PRDM2: variants seen among roughly 807,000 people sequenced by gnomAD.
The protein encoded by PRDM2 is PR domain zinc finger protein 2.
A neutral mutation model predicts 130.0 loss-of-function variants in PRDM2; 30 were observed. That is an observed-to-expected ratio of 0.23 (90% CI 0.17 to 0.31). PRDM2 has a LOEUF of 0.31. Ranked by LOEUF, PRDM2 falls within the 10% of genes least tolerant of loss-of-function variation. The probability of loss-of-function intolerance (pLI) is 1.00; values close to 1 mark genes in which losing one functional copy is unlikely to be tolerated. For missense variants in PRDM2, 2,011 were observed against 2,108.4 expected (o/e 0.95, Z 0.90); for synonymous variants, 871 against 782.4 (o/e 1.11, Z -1.89).
At chr1:13,823,091 A>G (rs752802911) in intron 9 of PRDM2, 68 bp from the exon 10 acceptor site, 10 of 1,453,644 alleles carry the variant, frequency 6.9e-6, no homozygotes, top group Non-Finnish European at 9.5e-6. Context: ...GCAATAACGC[A>G]TGGACCACCA....
intron 8 of PRDM2, among the ~76,000 whole-genome samples, chr1:13,788,488 A>G (rs981211229): frequency 3.3e-5 from 5 of 152,226 alleles, no homozygotes; most frequent in African/African-American, 1.2e-4. Flanking sequence ...GGGTTTTTTA[A>G]GATTAAAAAT....
chr1:13,798,986 T>C (rs1468521798), intron 8 of PRDM2, among the ~76,000 whole-genome samples: 1 of 152,202 alleles, frequency 6.6e-6, no homozygotes, highest in Admixed American at 6.5e-5. Context: ...GCCTTGGAGA[T>C]TTCTCCTTCA....
chr1:13,773,642 A>G (rs929118654), intron 7 of PRDM2: 2 of 152,318 alleles, frequency 1.3e-5, no homozygotes, highest in African/African-American at 4.8e-5. Context: ...GGTGCCCAGG[A>G]GTTAGAGGCT....
At chr1:13,755,802 G>A (rs1352284059) in intron 6 of PRDM2, among the ~76,000 whole-genome samples, 3 of 151,940 alleles carry the variant, frequency 2.0e-5, no homozygotes, top group South Asian at 2.1e-4. Context: ...AACTTTTAAA[G>A]TTTATTTATT....
Position 13,779,132 on chromosome 1 carries a change from C to T in PRDM2, c.1337C>T (p.Ser446Leu), listed in dbSNP as rs377508263. 21 of 1,614,152 alleles carry T rather than the reference C, an allele frequency of 1.3e-5. 1 individual carries two copies. In the East Asian group the frequency reaches 1.6e-4, roughly 12 times the overall value. Residue 446 changes from serine to leucine, a missense_variant, in exon 8 of 10, where the codon TCG (serine) becomes TTG (leucine). By Grantham distance (145) the Ser-to-Leu change is moderately radical (BLOSUM62 -2). This residue lies in a region of PRDM2 where 1,288 missense variants were observed against 1,237.7 expected (regional missense o/e 1.04). Coordinates refer to ENST00000311066, the MANE Select transcript of PRDM2 (RefSeq NM_001393986.1). This position sits in a 1 kb window ranked among gnomAD's most constrained non-coding sequence, Gnocchi z 4.9. ...SGENVASKDD[S>L]SPPSLGPDCL... Reference sequence around the variant, plus strand: ...GAAAACGTTGCTTCAAAAGATGATTCGAGTCCTCCCAGTCTTGGGCCAGAC... The same window carrying T: ...GAAAACGTTGCTTCAAAAGATGATTTGAGTCCTCCCAGTCTTGGGCCAGAC...
At chr1:13,743,929 T>C (rs1376539832) in intron 5 of PRDM2, among the ~76,000 whole-genome samples, 2 of 152,190 alleles carry the variant, frequency 1.3e-5, no homozygotes, top group Non-Finnish European at 1.5e-5. Flanking sequence ...AATTTTCTTA[T>C]ATAGGAGTGT....
At chr1:13,757,135 A>G (rs371257344) in intron 6 of PRDM2, among the ~76,000 whole-genome samples, 1 of 152,266 alleles carries the variant, frequency 6.6e-6, no homozygotes, top group South Asian at 2.1e-4. Context: ...TGTTTGGTGT[A>G]GGAGAGACCA....
At chr1:13,752,879 T>C (rs1412069684) in intron 6 of PRDM2, among the ~76,000 whole-genome samples, 1 of 152,234 alleles carries the variant, frequency 6.6e-6, no homozygotes, top group Non-Finnish European at 1.5e-5. Flanking sequence ...ATGATGCTTG[T>C]GCCACCTAAC....
At chr1:13,807,397 G>GCTAGACATGCTAGCCTCCATGACAA (rs1645102209) in intron 8 of PRDM2, among the ~76,000 whole-genome samples, 2 of 152,186 alleles carry the variant, frequency 1.3e-5, no homozygotes, top group Non-Finnish European at 2.9e-5. Flanking sequence ...CCTCCAATGC[G>GCTAGACATGCTAGCCTCCATGACAA]CCCCCTCATG....
In PRDM2 at chr1:13,793,588, G is replaced by C. The variant is rs567504347; in HGVS notation, c.5036+10757G>C. Among the ~76,000 whole-genome samples, 71 of 152,288 alleles carry C rather than the reference G, an allele frequency of 4.7e-4. 1 individual carries two copies. The highest frequency in any genetic ancestry group is 8.4e-4 in the Non-Finnish European group (57 of 68,014). ...AAGTTTCTATTAATTTCATGAGTGG[G>C]TGGTTCTATCCTTTGGTGAGGCTAG... On this transcript the variant is annotated intron_variant, in intron 8 of 9. Coordinates refer to ENST00000311066, the MANE Select transcript of PRDM2 (RefSeq NM_001393986.1).
At chr1:13,724,432 G>C (rs1233030445) in intron 2 of PRDM2, among the ~76,000 whole-genome samples, 1 of 151,564 alleles carries the variant, frequency 6.6e-6, no homozygotes, top group Non-Finnish European at 1.5e-5. Context: ...TTGCATACTT[G>C]ACACTGCTCA....
At chr1:13,724,715 G>A (rs1343766025) in intron 2 of PRDM2, among the ~76,000 whole-genome samples, 1 of 151,920 alleles carries the variant, frequency 6.6e-6, no homozygotes. Flanking sequence ...GGATGGTCTC[G>A]ATCTCCTGAC....
intron 8 of PRDM2, among the ~76,000 whole-genome samples, chr1:13,790,916 C>T (rs1435895049): frequency 6.6e-6 from 1 of 152,108 alleles, no homozygotes; most frequent in Non-Finnish European, 1.5e-5. Flanking sequence ...GTCTGGCTTT[C>T]CAATGCCTGC....
chr1:13,822,372 G>T (rs1360084724), intron 9 of PRDM2, among the ~76,000 whole-genome samples: 2 of 151,480 alleles, frequency 1.3e-5, no homozygotes, highest in Non-Finnish European at 2.9e-5. Flanking sequence ...GGAATAGATG[G>T]ATAGAGGTGG....
At chr1:13,808,218 G>A (rs12031688) in intron 8 of PRDM2, among the ~76,000 whole-genome samples, 1 of 152,280 alleles carries the variant, frequency 6.6e-6, no homozygotes, top group East Asian at 1.9e-4. Context: ...TGGGCCGGGC[G>A]CGGTGGCTCA....
intron 2 of PRDM2, among the ~76,000 whole-genome samples, chr1:13,716,613 G>T (rs1642549839): frequency 6.6e-6 from 1 of 152,126 alleles, no homozygotes; most frequent in Admixed American, 6.5e-5. Flanking sequence ...CAGGAGATGT[G>T]GGATTACCTG....
At chr1:13,750,250 C>T (rs1358636964) in intron 6 of PRDM2, among the ~76,000 whole-genome samples, 4 of 150,048 alleles carry the variant, frequency 2.7e-5, no homozygotes, top group Non-Finnish European at 4.4e-5. Context: ...CATACTGACA[C>T]GTTGGGGCTT....
rs557628984 is a variant in PRDM2, at chr1:13,715,517, A to T, written c.-65-24A>T. 86 of 1,204,020 alleles carry T rather than the reference A, an allele frequency of 7.1e-5. No individual in the cohort carries two copies. The African/African-American group carries it at 1.2e-3, about 16-fold the overall frequency. The allele number at this position is 1,204,020 out of a possible 1,614,324, so 74.6% of individuals were successfully genotyped here. A position where few individuals can be genotyped will look rare whatever the true frequency, so the allele number is the denominator to read the frequency against. On this transcript the variant is annotated intron_variant, in intron 1 of 9. Coordinates refer to ENST00000311066, the MANE Select transcript of PRDM2 (RefSeq NM_001393986.1). Reference sequence around the variant, plus strand: ...GTAAATTTGTAGGCAGGTACATATTACAATTGTCTGTTTTTCTTTTTAGGG... The same window carrying T: ...GTAAATTTGTAGGCAGGTACATATTTCAATTGTCTGTTTTTCTTTTTAGGG...
At chr1:13,790,152 G>A (rs1570052348) in intron 8 of PRDM2, among the ~76,000 whole-genome samples, 1 of 152,134 alleles carries the variant, frequency 6.6e-6, no homozygotes, top group Non-Finnish European at 1.5e-5. Context: ...GACCTGCCTG[G>A]GTAATATGTA....
Sources: gnomAD v4.1 joint callset for allele counts (sites outside exome capture counted in the v4.1 genomes callset) on GRCh38, gnomAD v4.1.1 for gene constraint, gnomAD v4.1.1 regional missense constraint, Gnocchi (gnomAD v3.1) non-coding constraint, MANE v1.5 for transcripts, NCBI Gene and HGNC (gene_info 2026-07-23, HGNC 2026-07-21) for gene names.